LDHA: variants seen among roughly 807,000 people sequenced by gnomAD.
The protein encoded by LDHA is L-lactate dehydrogenase A chain.
A neutral mutation model predicts 36.3 loss-of-function variants in LDHA; 10 were observed. The ratio of observed to expected loss-of-function variants is 0.28; its 90% confidence interval spans 0.17 to 0.47. LDHA has a LOEUF of 0.47. Ranked by LOEUF, LDHA falls within the 20% of genes least tolerant of loss-of-function variation. LDHA has a pLI of 0.99. For missense variants in LDHA, 267 were observed against 405.8 expected, an observed-to-expected ratio of 0.66 and a Z score of 2.94; for synonymous variants, 110 against 136.7, an observed-to-expected ratio of 0.80 and a Z score of 1.36.
chr11:18,398,313 T>C (rs1160446167), intron 2 of LDHA, among the ~76,000 whole-genome samples: 1 of 152,226 alleles, frequency 6.6e-6, no homozygotes, highest in Non-Finnish European at 1.5e-5. Flanking sequence ...ACTGTTAGTA[T>C]TGGTTCATAT....
intron 2 of LDHA, chr11:18,398,911 G>T (rs540327602): frequency 8.4e-4 from 147 of 175,032 alleles, no homozygotes; most frequent in African/African-American, 3.3e-3. Flanking sequence ...ACCGTGCCTG[G>T]CCTGGCCAGG....
chr11:18,400,608 T>C (rs1379539187), intron 3 of LDHA: 1 of 599,530 alleles, frequency 1.7e-6, no homozygotes, highest in Non-Finnish European at 3.0e-6. Flanking sequence ...GAGAATCAAA[T>C]AATAAACTTG....
chr11:18,407,661 C>T lies in LDHA; in HGVS notation c.*380C>T, dbSNP rs1450334426. 7.0e-6 allele frequency: 4 copies of T among 569,528 alleles called. No homozygotes were observed. The highest frequency in any genetic ancestry group is 1.3e-5 in the Non-Finnish European group (4 of 302,370). The allele number at this position is 569,528 out of a possible 1,614,324, so 35.3% of individuals were successfully genotyped here. A position where few individuals can be genotyped will look rare whatever the true frequency, so the allele number is the denominator to read the frequency against. On this transcript the variant is annotated 3_prime_UTR_variant, in exon 8 of 8. Transcript: ENST00000422447. Reference sequence around the variant, plus strand: ...TCCAACATTTTTTCCCAGTGAGTCACATCCTGGGATCCAGTGTATAAATCC... The same window carrying T: ...TCCAACATTTTTTCCCAGTGAGTCATATCCTGGGATCCAGTGTATAAATCC...
At chr11:18,396,155 C>G (rs543910236) in intron 1 of LDHA, 17 of 182,502 alleles carry the variant, frequency 9.3e-5, no homozygotes, top group African/African-American at 3.0e-4. Flanking sequence ...CCTTCTGGCC[C>G]GATGCCCGCT....
intron 3 of LDHA, chr11:18,400,421 C>T: frequency 7.9e-6 from 2 of 251,964 alleles, no homozygotes; most frequent in Non-Finnish European, 1.5e-5. Flanking sequence ...GTCCCCCTAC[C>T]ACCACCACCA....
At chr11:18,405,763 C>T (rs981181313) in intron 7 of LDHA, 191 bp downstream of exon 7, 3 of 588,944 alleles carry the variant, frequency 5.1e-6, no homozygotes, top group African/African-American at 1.9e-5. Flanking sequence ...CTGTTCAACA[C>T]ATAGATACTT....
rs562916892 is a variant in LDHA at position 18,402,760 on chromosome 11, T to G, written c.419-80T>G. 14 of 1,055,684 alleles carry G rather than the reference T, an allele frequency of 1.3e-5. No homozygotes were observed. In the East Asian group the frequency reaches 3.3e-4, roughly 25 times the overall value. 65.4% of individuals were successfully genotyped at this position (1,055,684 alleles called of 1,614,324 possible). On this transcript the variant is annotated intron_variant, in intron 4 of 7. Transcript: ENST00000422447. ...AATGATCACCTAGTATCTGGTTAAG[T>G]GTTTTCTTCATAGTAGGTATATCTT...
intron 7 of LDHA, 69 bp downstream of exon 7, chr11:18,405,641 G>GAAAGATTAATACAAGTCC: frequency 6.6e-7 from 1 of 1,524,042 alleles, no homozygotes; most frequent in South Asian, 1.1e-5. Flanking sequence ...ATTCTTCTGA[G>GAAAGATTAATACAAGTCC]AAAGATTAAT....
intron 1 of LDHA, chr11:18,395,302 ACTC>A (rs1866257186): frequency 6.5e-6 from 1 of 153,324 alleles, no homozygotes; most frequent in Non-Finnish European, 1.5e-5. Flanking sequence ...GCCGGTACCA[ACTC>A]CTCCTTTTAA....
In LDHA at chr11:18,405,498, C is replaced by T; in HGVS notation, c.760C>T (p.Leu254Phe). ...AGGCTACACATCCTGGGCTATTGGA[C>T]TCTCTGTAGCAGATTTGGCAGAGAG... ...LKGYTSWAIGLSVADLAESIM... is the reference protein window; with the variant it reads ...LKGYTSWAIGFSVADLAESIM... Residue 254 changes from leucine (L) to phenylalanine (F), a missense_variant, in exon 7 of 8, where the codon CTC becomes TTC. Transcript: ENST00000422447. 1 of 1,613,528 alleles carries T rather than the reference C, an allele frequency of 6.2e-7. No homozygotes were observed. Among genetic ancestry groups the T allele is most frequent in the Non-Finnish European group, 8.5e-7 (1 of 1,179,568 alleles).
chr11:18,407,623 T>G lies in LDHA; in HGVS notation c.*342T>G. The G allele has an allele frequency of 4.8e-6, 3 of 627,070 alleles. No homozygotes were observed. The highest frequency in any genetic ancestry group is 8.9e-6 in the Non-Finnish European group (3 of 338,550). The allele number at this position is 627,070 out of a possible 1,614,324, so 38.8% of individuals were successfully genotyped here. A position where few individuals can be genotyped will look rare whatever the true frequency, so the allele number is the denominator to read the frequency against. The stretch of plus-strand genomic sequence containing the variant: ...TTATATAACTTCCTGGCTCCTTCAC[T>G]GAACATGCCTAGTCCAACATTTTTT... On this transcript the variant is annotated 3_prime_UTR_variant, in exon 8 of 8. Transcript: ENST00000422447.
chr11:18,400,650 A>G (rs1270991868), intron 3 of LDHA, 187 bp from the exon 4 acceptor site: 2 of 675,310 alleles, frequency 3.0e-6, no homozygotes, highest in Non-Finnish European at 5.4e-6. Context: ...TTGTAGTTAC[A>G]TAAAGTTACA....
rs58157049 is a variant in LDHA, at chr11:18,401,473, C to CTTTTTTTTTTTTTT, written c.418+472_418+485dup. On this transcript the variant is annotated intron_variant, in intron 4 of 7. Coordinates refer to ENST00000422447, the MANE Select transcript of LDHA (RefSeq NM_005566.4). ...CATATTTATTGATTCATTTATTTTT[C>CTTTTTTTTTTTTTT]TTTTTTTTTTTTTTTTTTTTTTGAG... Among the ~76,000 whole-genome samples, 32 of 68,600 alleles carry CTTTTTTTTTTTTTT rather than the reference C, an allele frequency of 4.7e-4. 2 individuals carry two copies. The highest frequency in any genetic ancestry group is 5.4e-4 in the Non-Finnish European group (21 of 39,194). 45.0% of individuals were successfully genotyped at this position (68,600 alleles called of 152,430 possible). A position where few individuals can be genotyped will look rare whatever the true frequency, so the allele number is the denominator to read the frequency against.
intron 1 of LDHA, chr11:18,395,306 C>T (rs1032820128): frequency 1.3e-5 from 2 of 153,690 alleles, no homozygotes; most frequent in African/African-American, 4.8e-5. Context: ...GTACCAACTC[C>T]TCCTTTTAAC....
rs1369721675 is a variant in LDHA at position 18,400,542 on chromosome 11, AGT to A, written c.245-291_245-290del. The A allele has an allele frequency of 1.2e-5, 5 of 417,976 alleles. 1 individual carries two copies. The highest frequency in any genetic ancestry group is 3.3e-5 in the Admixed American group (1 of 30,460). 25.9% of individuals were successfully genotyped at this position (417,976 alleles called of 1,614,324 possible). On this transcript the variant is annotated intron_variant, in intron 3 of 7. Coordinates refer to ENST00000422447, the MANE Select transcript of LDHA (RefSeq NM_005566.4). ...TTAAGTAGAAACAGGAGTATGGAAG[AGT>A]GTGAACGTTGAGCTTGGGGATCAAA...
intron 2 of LDHA, among the ~76,000 whole-genome samples, chr11:18,398,259 A>G (rs2896526): frequency 0.15 from 22,140 of 152,110 alleles, 1,723 homozygotes; most frequent in Middle Eastern, 0.23. Flanking sequence ...CTATAAGGAT[A>G]TTTTTTGCCA....
chr11:18,407,835 C>T lies in LDHA; in HGVS notation c.*554C>T, dbSNP rs200718851. The stretch of plus-strand genomic sequence containing the variant: ...TATACCAACTAAAACCCCCAATAAA[C>T]CTTGAACAGTGACTACTTTGGTTAA... On this transcript the variant is annotated 3_prime_UTR_variant, in exon 8 of 8. Transcript: ENST00000422447. 86 of 454,340 alleles carry T rather than the reference C, an allele frequency of 1.9e-4. No homozygotes were observed. Among genetic ancestry groups the T allele is most frequent in the Non-Finnish European group, 3.3e-4 (74 of 227,116 alleles). The allele number at this position is 454,340 out of a possible 1,614,324, so 28.1% of individuals were successfully genotyped here.
intron 3 of LDHA, chr11:18,400,415 C>G: frequency 3.7e-6 from 1 of 269,548 alleles, no homozygotes; most frequent in Non-Finnish European, 7.2e-6. Context: ...AAACAAGTCC[C>G]CCTACCACCA....
Position 18,405,795 on chromosome 11 carries a change from T to G in LDHA, c.834+223T>G. 3 of 484,246 alleles carry G rather than the reference T, an allele frequency of 6.2e-6. No individual in the cohort carries two copies. The South Asian group carries it at 6.3e-5, about 10-fold the overall frequency. The allele number at this position is 484,246 out of a possible 1,614,324, so 30.0% of individuals were successfully genotyped here. On this transcript the variant is annotated intron_variant, in intron 7 of 7. Coordinates refer to ENST00000422447, the MANE Select transcript of LDHA (RefSeq NM_005566.4). ...ACTTGATAATTTGACTACAAAAAAG[T>G]CTTGTTCAATTATGCTGAGGTAGGT...
Sources: gnomAD v4.1 joint callset for allele counts (sites outside exome capture counted in the v4.1 genomes callset) on GRCh38, gnomAD v4.1.1 for gene constraint, MANE v1.5 for transcripts, NCBI Gene and HGNC (gene_info 2026-07-23, HGNC 2026-07-21) for gene names.